The following KAZN variants were observed in gnomAD, a reference collection of about 807,000 sequenced individuals.
KAZN encodes the protein kazrin.
Under a neutral mutation model 87.4 loss-of-function variants are expected in KAZN, and 40 were observed. That is an observed-to-expected ratio of 0.46 (90% CI 0.36 to 0.60). KAZN has a LOEUF of 0.60. KAZN is among the 20% of genes least tolerant of loss of function. The pLI is 0.00. For synonymous variants in KAZN, 466 were observed against 458.3 expected (o/e 1.02, Z -0.22); for missense variants, 898 against 1,073.9 (o/e 0.84, Z 2.29).
intron 2 of KAZN, among the ~76,000 whole-genome samples, chr1:14,450,358 G>C (rs1667204224): frequency 2.6e-5 from 4 of 152,172 alleles, no homozygotes; most frequent in African/African-American, 7.2e-5. Flanking sequence ...GGAGGCCGAA[G>C]CGGGTAGATC....
rs142837612 is a variant in KAZN, at chr1:13,905,881, G to A, written c.91+12125G>A. ...CAGAAACATATTATCTCATTGTTCC[G>A]CAGGCCAGAAATCCAAAATCAGTAT... On this transcript the variant is annotated intron_variant, in intron 1 of 16. Coordinates refer to the KAZN transcript ENST00000636203. 2.6e-3 allele frequency among the ~76,000 whole-genome samples: 398 copies of A among 152,132 alleles called. 3 individuals carry two copies. The highest frequency in any genetic ancestry group is 8.9e-3 in the African/African-American group (368 of 41,492).
At chr1:14,397,861 CAA>C (rs761120479) in intron 2 of KAZN, among the ~76,000 whole-genome samples, 2 of 40,640 alleles carry the variant, frequency 4.9e-5, no homozygotes, top group African/African-American at 1.7e-4. Flanking sequence ...AACTCCATCT[CAA>C]AAAAAAAAAA....
chr1:14,757,582 A>G (rs1644604591), intron 1 of KAZN, among the ~76,000 whole-genome samples: 1 of 152,218 alleles, frequency 6.6e-6, no homozygotes, highest in Non-Finnish European at 1.5e-5. Context: ...GAGAGTGTGT[A>G]GTGAAGTACA....
At chr1:14,363,970 T>A (rs1284432812) in intron 2 of KAZN, among the ~76,000 whole-genome samples, 102 of 80,320 alleles carry the variant, frequency 1.3e-3, no homozygotes, top group East Asian at 2.5e-3. Context: ...TCACAATATT[T>A]TTTTTTTTTT....
chr1:14,078,280 T>C (rs1437969450), intron 1 of KAZN, among the ~76,000 whole-genome samples: 1 of 152,224 alleles, frequency 6.6e-6, no homozygotes, highest in Non-Finnish European at 1.5e-5. Flanking sequence ...TGTAATTATT[T>C]GAGTGTCTGC....
At chr1:14,469,477 G>T (rs1393278077) in intron 2 of KAZN, among the ~76,000 whole-genome samples, 1 of 152,134 alleles carries the variant, frequency 6.6e-6, no homozygotes, top group Non-Finnish European at 1.5e-5. Context: ...GAAACGGAAG[G>T]TTATTTTGCT....
chr1:13,913,475 G>GA (rs1639725716), intron 1 of KAZN, among the ~76,000 whole-genome samples: 1 of 152,206 alleles, frequency 6.6e-6, no homozygotes, highest in Non-Finnish European at 1.5e-5. Flanking sequence ...CTGCCAACAT[G>GA]AAAGGGCTTG....
At chr1:14,861,856 C>A (rs576631271) in intron 1 of KAZN, among the ~76,000 whole-genome samples, 1 of 152,058 alleles carries the variant, frequency 6.6e-6, no homozygotes, top group Non-Finnish European at 1.5e-5. Flanking sequence ...TGCGACCAGG[C>A]GGAGAGAGCC....
intron 1 of KAZN, among the ~76,000 whole-genome samples, chr1:13,920,638 G>A (rs1640030516): frequency 6.6e-6 from 1 of 152,220 alleles, no homozygotes; most frequent in African/African-American, 2.4e-5. Context: ...GGATATTTAA[G>A]GGTTTAGGGA....
chr1:14,432,273 A>T (rs985600925), intron 2 of KAZN, among the ~76,000 whole-genome samples: 1 of 152,240 alleles, frequency 6.6e-6, no homozygotes, highest in African/African-American at 2.4e-5. Context: ...CATAAGTCAC[A>T]GTTCAATTCT....
At chr1:14,944,139 T>C (rs12062083) in intron 1 of KAZN, among the ~76,000 whole-genome samples, 22,940 of 151,652 alleles carry the variant, frequency 0.15, 2,282 homozygotes, top group African/African-American at 0.26. Flanking sequence ...TCGAGTTTTC[T>C]TGTGGGGGAA....
At chr1:13,958,955 A>T (rs993883106) in intron 1 of KAZN, among the ~76,000 whole-genome samples, 2 of 152,084 alleles carry the variant, frequency 1.3e-5, no homozygotes, top group African/African-American at 2.4e-5. Flanking sequence ...CCAGGTGTGA[A>T]CATCCATCCC....
At position 15,081,958 on chromosome 1, in the gene KAZN, T is replaced by C. The variant is rs1640024320; in HGVS notation, c.1223-12222T>C. Among the ~76,000 whole-genome samples the C allele has an allele frequency of 6.6e-6, 1 of 151,770 alleles. No homozygotes were observed. The highest frequency in any genetic ancestry group is 2.1e-4 in the South Asian group (1 of 4,796). On this transcript the variant is annotated intron_variant, in intron 8 of 14. Coordinates refer to ENST00000376030, the MANE Select transcript of KAZN (RefSeq NM_201628.3). This position sits in a 1 kb window ranked among gnomAD's most constrained non-coding sequence, Gnocchi z 4.1. ...AAATTTCCTCTGGGCTTGAAGAGGA[T>C]GGAATGAAAGAGAAAGAGGGAGGTA...
chr1:14,554,386 G>T (rs1673733993), intron 2 of KAZN, among the ~76,000 whole-genome samples: 1 of 152,174 alleles, frequency 6.6e-6, no homozygotes, highest in Admixed American at 6.5e-5. Context: ...GTCCCAGGAG[G>T]CCTTGGGTTC....
Position 14,598,996 on chromosome 1 carries a change from G to C in KAZN, c.-2G>C. The C allele has an allele frequency of 6.4e-7, 1 of 1,570,214 alleles. No individual in the cohort carries two copies. Among genetic ancestry groups the C allele is most frequent in the Non-Finnish European group, 8.6e-7 (1 of 1,161,760 alleles). On this transcript the variant is annotated 5_prime_UTR_variant, in exon 1 of 15. Coordinates refer to ENST00000376030, the MANE Select transcript of KAZN (RefSeq NM_201628.3). The surrounding 1 kb of genome is among the most constrained non-coding windows in gnomAD (Gnocchi z 4.2). ...TCTCGCCCCCAGGCCAAAATCCTGAGCATGATGGAAGACAATAAGCAGCTC... is the reference window on the plus strand; with the variant it reads ...TCTCGCCCCCAGGCCAAAATCCTGACCATGATGGAAGACAATAAGCAGCTC...
At chr1:13,970,008 C>T (rs1642080617) in intron 1 of KAZN, among the ~76,000 whole-genome samples, 1 of 152,174 alleles carries the variant, frequency 6.6e-6, no homozygotes. Flanking sequence ...ATGCAAAAAG[C>T]AAATGCAAAA....
intron 1 of KAZN, among the ~76,000 whole-genome samples, chr1:14,636,652 C>T (rs1454032091): frequency 1.3e-5 from 2 of 152,154 alleles, no homozygotes; most frequent in Non-Finnish European, 2.9e-5. Context: ...GAAACTGAGG[C>T]AGCCTGATGC....
At chr1:14,198,819 T>C (rs1326665666) in intron 2 of KAZN, among the ~76,000 whole-genome samples, 1 of 152,172 alleles carries the variant, frequency 6.6e-6, no homozygotes, top group Admixed American at 6.5e-5. Context: ...GGGTTGTCTA[T>C]AATCTCCATA....
chr1:14,464,178 G>A (rs1215173421), intron 2 of KAZN, among the ~76,000 whole-genome samples: 1 of 152,208 alleles, frequency 6.6e-6, no homozygotes, highest in Non-Finnish European at 1.5e-5. Context: ...GTTTTGTCAT[G>A]TATAATTGAG....
Sources: gnomAD v4.1 joint callset for allele counts (sites outside exome capture counted in the v4.1 genomes callset) on GRCh38, gnomAD v4.1.1 for gene constraint, Gnocchi (gnomAD v3.1) non-coding constraint, MANE v1.5 for transcripts, NCBI Gene and HGNC (gene_info 2026-07-23, HGNC 2026-07-21) for gene names.